PTH2R: variants seen among roughly 807,000 people sequenced by gnomAD.
The protein encoded by PTH2R is parathyroid hormone 2 receptor, also known as PTH2 receptor.
In PTH2R, 59 loss-of-function variants were observed where a neutral mutation model predicts 60.3. The observed-to-expected ratio is 0.98, with a 90% confidence interval of 0.79 to 1.22. The LOEUF is 1.22. Ranked by LOEUF, PTH2R falls within the 50% of genes most tolerant of loss-of-function variation. The pLI is 0.00. For missense variants in PTH2R, 749 were observed against 682.6 expected, an observed-to-expected ratio of 1.10 and a Z score of -1.08; for synonymous variants, 256 against 243.8, an observed-to-expected ratio of 1.05 and a Z score of -0.47.
chr2:208,371,214 T>G (rs921222739), intron 1 of PTH2R, among the ~76,000 whole-genome samples: 1 of 152,066 alleles, frequency 6.6e-6, no homozygotes, highest in Non-Finnish European at 1.5e-5. Context: ...CAGAAAGGCA[T>G]AAAGATTACT....
chr2:208,434,098 G>T, intron 2 of PTH2R, among the ~76,000 whole-genome samples: 1 of 152,136 alleles, frequency 6.6e-6, no homozygotes, highest in East Asian at 1.9e-4. Flanking sequence ...TGGATCACCT[G>T]AGGTCAGGAG....
At position 208,455,884 on chromosome 2, in the gene PTH2R, A is replaced by G. The variant is rs755779734; in HGVS notation, c.915-4011A>G. 2.0e-5 allele frequency among the ~76,000 whole-genome samples: 3 copies of G among 152,200 alleles called. No individual in the cohort carries two copies. In the South Asian group the frequency reaches 6.2e-4, roughly 32 times the overall value. ...GATAAGCATGTCAGACCCAGTTTTA[A>G]AAGATACCTTAAACTCTATTGATAT... On this transcript the variant is annotated intron_variant, in intron 8 of 12. Coordinates refer to ENST00000272847, the MANE Select transcript of PTH2R (RefSeq NM_005048.4).
intron 4 of PTH2R, among the ~76,000 whole-genome samples, chr2:208,439,556 A>G (rs1484837187): frequency 6.6e-6 from 1 of 152,048 alleles, no homozygotes; most frequent in East Asian, 1.9e-4. Flanking sequence ...AAAAAAGTGT[A>G]AATTTAGAAT....
At chr2:208,439,491 A>G (rs143565145) in intron 4 of PTH2R, among the ~76,000 whole-genome samples, 89 of 152,158 alleles carry the variant, frequency 5.8e-4, no homozygotes, top group African/African-American at 1.9e-3. Context: ...TTTGTGAGAT[A>G]TAAATTATTA....
At chr2:208,380,479 G>A (rs1015113936) in intron 1 of PTH2R, among the ~76,000 whole-genome samples, 33 of 152,062 alleles carry the variant, frequency 2.2e-4, no homozygotes, top group African/African-American at 7.5e-4. Context: ...AATAAGATCA[G>A]TAGATTCTCT....
intron 2 of PTH2R, among the ~76,000 whole-genome samples, chr2:208,436,666 A>G (rs1702080788): frequency 6.6e-6 from 1 of 152,084 alleles, no homozygotes; most frequent in South Asian, 2.1e-4. Flanking sequence ...AAACAGCCCA[A>G]CCCTGATTAC....
chr2:208,389,670 C>T (rs1394271462), intron 1 of PTH2R, among the ~76,000 whole-genome samples: 2 of 152,222 alleles, frequency 1.3e-5, no homozygotes, highest in Non-Finnish European at 2.9e-5. Context: ...TTACCTTTAA[C>T]ATAGTGTGCC....
At chr2:208,429,436 T>G (rs995659351) in intron 2 of PTH2R, among the ~76,000 whole-genome samples, 6 of 152,176 alleles carry the variant, frequency 3.9e-5, no homozygotes, top group Non-Finnish European at 8.8e-5. Flanking sequence ...GATTTCCTGG[T>G]GAATTAAACC....
intron 1 of PTH2R, among the ~76,000 whole-genome samples, chr2:208,381,570 G>C (rs1021883461): frequency 6.6e-6 from 1 of 152,078 alleles, no homozygotes; most frequent in Non-Finnish European, 1.5e-5. Context: ...TTATAGACCT[G>C]AGCCATGGTG....
chr2:208,381,136 G>A (rs1036409173), intron 1 of PTH2R, among the ~76,000 whole-genome samples: 1 of 151,770 alleles, frequency 6.6e-6, no homozygotes. Context: ...GTGATTTTAG[G>A]AAAGCTTTTC....
chr2:208,403,580 G>C (rs1309169831), upstream of PTH2R, among the ~76,000 whole-genome samples: 2 of 152,210 alleles, frequency 1.3e-5, no homozygotes, highest in African/African-American at 2.4e-5. Flanking sequence ...TGCAAGCACG[G>C]GAGTTCAATG....
At chr2:208,402,931 A>G, upstream of PTH2R, among the ~76,000 whole-genome samples, 1 of 152,230 alleles carries the variant, frequency 6.6e-6, no homozygotes, top group East Asian at 1.9e-4. Context: ...AGAAGACCTA[A>G]GCTGAAGTCT....
intron 2 of PTH2R, among the ~76,000 whole-genome samples, chr2:208,433,349 A>T (rs1238620322): frequency 6.6e-6 from 1 of 152,204 alleles, no homozygotes; most frequent in Non-Finnish European, 1.5e-5. Context: ...ATATAAATTG[A>T]CTCAAGTGCT....
chr2:208,440,395 T>C (rs947732222), intron 4 of PTH2R, among the ~76,000 whole-genome samples: 4 of 152,222 alleles, frequency 2.6e-5, no homozygotes, highest in African/African-American at 9.6e-5. Flanking sequence ...ATATTTTCTA[T>C]GAAAAGTTTT....
chr2:208,399,057 T>C (rs1298048744), intron 1 of PTH2R, among the ~76,000 whole-genome samples: 4 of 152,380 alleles, frequency 2.6e-5, no homozygotes, highest in Non-Finnish European at 5.9e-5. Flanking sequence ...ATTCCAGTTA[T>C]GCAATGTCTC....
intron 1 of PTH2R, among the ~76,000 whole-genome samples, chr2:208,413,480 T>C (rs1701581782): frequency 6.6e-6 from 1 of 152,194 alleles, no homozygotes; most frequent in Non-Finnish European, 1.5e-5. Flanking sequence ...GATTCAGTGC[T>C]CAGGAACTAT....
chr2:208,402,313 AT>A (rs2105825319), upstream of PTH2R, among the ~76,000 whole-genome samples: 1 of 152,220 alleles, frequency 6.6e-6, no homozygotes, highest in Non-Finnish European at 1.5e-5. Context: ...GCCTGTAGCT[AT>A]TTTTATATTA....
At chr2:208,472,220 A>C (rs1702898102) in intron 9 of PTH2R, among the ~76,000 whole-genome samples, 1 of 152,064 alleles carries the variant, frequency 6.6e-6, no homozygotes, top group Admixed American at 6.6e-5. Flanking sequence ...GCCTGTTGGG[A>C]AGGTGTGATT....
chr2:208,403,973 T>C (rs1701354395), upstream of PTH2R, among the ~76,000 whole-genome samples: 1 of 152,198 alleles, frequency 6.6e-6, no homozygotes, highest in Admixed American at 6.5e-5. Flanking sequence ...CCAGAGTTTA[T>C]TTCCACTATA....
Sources: gnomAD v4.1 joint callset for allele counts (sites outside exome capture counted in the v4.1 genomes callset) on GRCh38, gnomAD v4.1.1 for gene constraint, MANE v1.5 for transcripts, NCBI Gene and HGNC (gene_info 2026-07-23, HGNC 2026-07-21) for gene names.